Variants in TMEM117 observed in about 807,000 individuals in gnomAD.
TMEM117 encodes transmembrane protein 117.
A neutral mutation model predicts 52.4 loss-of-function variants in TMEM117; 27 were observed. The ratio of observed to expected loss-of-function variants is 0.51; its 90% CI spans 0.38 to 0.71. The LOEUF (loss-of-function observed/expected upper bound fraction) is 0.71, where lower values mean the gene tolerates loss of function less well. TMEM117 is among the 30% of genes least tolerant of loss of function. The pLI is 0.00. For missense variants in TMEM117, 556 were observed against 630.5 expected, an observed-to-expected ratio of 0.88 and a Z score of 1.26; for synonymous variants, 215 against 206.3, an observed-to-expected ratio of 1.04 and a Z score of -0.36.
intron 3 of TMEM117, among the ~76,000 whole-genome samples, chr12:44,127,918 GTCTA>G (rs1189313085): frequency 2.0e-5 from 3 of 152,162 alleles, no homozygotes; most frequent in Admixed American, 6.5e-5. Context: ...CTGTCTGTCT[GTCTA>G]TCTATCTGTC....
chr12:43,970,371 C>G (rs981051573), intron 3 of TMEM117, among the ~76,000 whole-genome samples: 31 of 152,142 alleles, frequency 2.0e-4, no homozygotes, highest in East Asian at 5.8e-4. Flanking sequence ...TCACTGCAAG[C>G]TCCGCCTCCT....
chr12:43,812,856 G>T, the TMEM117 span, among the ~76,000 whole-genome samples: 1 of 113,974 alleles, frequency 8.8e-6, no homozygotes, highest in African/African-American at 3.1e-5. Flanking sequence ...TCTACAAAAA[G>T]TACAAAAAAA....
intron 3 of TMEM117, among the ~76,000 whole-genome samples, chr12:44,102,775 T>C (rs1419753406): frequency 6.6e-6 from 1 of 152,062 alleles, no homozygotes; most frequent in African/African-American, 2.4e-5. Context: ...AATCTCATCT[T>C]AAACTGTAGT....
At chr12:43,858,068 G>C (rs1313349145) in intron 2 of TMEM117, among the ~76,000 whole-genome samples, 1 of 152,182 alleles carries the variant, frequency 6.6e-6, no homozygotes, top group Non-Finnish European at 1.5e-5. Flanking sequence ...TTTTACTGTG[G>C]TGGCCTTGAC....
intron 2 of TMEM117, among the ~76,000 whole-genome samples, chr12:43,924,029 A>G (rs1354502071): frequency 2.6e-5 from 4 of 152,224 alleles, no homozygotes; most frequent in Admixed American, 6.5e-5. Context: ...ACACAGCACT[A>G]TATAAATGCC....
chr12:44,081,696 G>C (rs1259996419), intron 3 of TMEM117, among the ~76,000 whole-genome samples: 1 of 151,706 alleles, frequency 6.6e-6, no homozygotes, highest in African/African-American at 2.4e-5. Context: ...ACTTCTTTGG[G>C]GATTTATTTG....
At chr12:44,006,611 T>G (rs1236735276) in intron 3 of TMEM117, among the ~76,000 whole-genome samples, 1 of 152,190 alleles carries the variant, frequency 6.6e-6, no homozygotes, top group Non-Finnish European at 1.5e-5. Flanking sequence ...ATAATGAAAC[T>G]AAGTATTGAC....
chr12:44,386,743 A>G (rs1952093556), intron 7 of TMEM117, among the ~76,000 whole-genome samples: 2 of 152,066 alleles, frequency 1.3e-5, no homozygotes, highest in African/African-American at 4.8e-5. Flanking sequence ...GTGTTTAACA[A>G]CTGGCTCAAG....
intron 4 of TMEM117, among the ~76,000 whole-genome samples, chr12:44,208,725 G>GTTTT (rs5797892): frequency 0.02 from 1,389 of 68,860 alleles, 66 homozygotes; most frequent in African/African-American, 0.029. Context: ...CAGAAAGAAT[G>GTTTT]TTTTTTTTTT....
intron 2 of TMEM117, among the ~76,000 whole-genome samples, chr12:43,848,825 T>G (rs1565717621): frequency 6.6e-6 from 1 of 152,224 alleles, no homozygotes; most frequent in African/African-American, 2.4e-5. Context: ...TTACAATTTA[T>G]GTTCCTCTGC....
intron 3 of TMEM117, among the ~76,000 whole-genome samples, chr12:44,005,724 T>G (rs1179284935): frequency 6.6e-6 from 1 of 152,212 alleles, no homozygotes; most frequent in Non-Finnish European, 1.5e-5. Context: ...AATCTCATTT[T>G]GAATTGTAAC....
At chr12:44,007,173 CAT>C (rs1236093880) in intron 3 of TMEM117, among the ~76,000 whole-genome samples, 1 of 152,126 alleles carries the variant, frequency 6.6e-6, no homozygotes, top group Admixed American at 6.5e-5. Flanking sequence ...TATACCTAAG[CAT>C]ATACACATGA....
chr12:43,928,541 T>G (rs1944818712), intron 2 of TMEM117, among the ~76,000 whole-genome samples: 1 of 152,144 alleles, frequency 6.6e-6, no homozygotes, highest in East Asian at 1.9e-4. Flanking sequence ...TACATAACTA[T>G]CAAATATTTG....
chr12:44,177,354 G>A (rs200454615), intron 4 of TMEM117, among the ~76,000 whole-genome samples: 14 of 152,208 alleles, frequency 9.2e-5, no homozygotes, highest in African/African-American at 3.4e-4. Flanking sequence ...GGCTCAATGC[G>A]AAATGAACAA....
intron 6 of TMEM117, among the ~76,000 whole-genome samples, chr12:44,347,286 T>C (rs1734730643): frequency 6.6e-6 from 1 of 152,068 alleles, no homozygotes; most frequent in South Asian, 2.1e-4. Flanking sequence ...TTAGGGTACA[T>C]AGATGTAGAA....
intron 4 of TMEM117, among the ~76,000 whole-genome samples, chr12:44,153,752 T>C (rs1948787874): frequency 6.6e-6 from 1 of 152,054 alleles, no homozygotes; most frequent in Non-Finnish European, 1.5e-5. Flanking sequence ...GCAGTAAAGT[T>C]TTTTATATTC....
chr12:44,116,458 G>A (rs956582778), intron 3 of TMEM117, among the ~76,000 whole-genome samples: 1 of 151,604 alleles, frequency 6.6e-6, no homozygotes, highest in African/African-American at 2.4e-5. Context: ...CTCAGATTAT[G>A]GCCTCAATTT....
chr12:43,954,524 T>G (rs1470803291), intron 3 of TMEM117, among the ~76,000 whole-genome samples: 3 of 152,124 alleles, frequency 2.0e-5, no homozygotes, highest in Non-Finnish European at 4.4e-5. Flanking sequence ...AGCAACTCTA[T>G]GCACATAAAC....
chr12:44,373,771 C>CTTTTT (rs142046499), intron 6 of TMEM117, among the ~76,000 whole-genome samples: 9 of 60,078 alleles, frequency 1.5e-4, no homozygotes, highest in African/African-American at 2.2e-4. Flanking sequence ...TGTCCATTTC[C>CTTTTT]TTTTTTTTTT....
Sources: gnomAD v4.1 joint callset for allele counts (sites outside exome capture counted in the v4.1 genomes callset) on GRCh38, gnomAD v4.1.1 for gene constraint, MANE v1.5 for transcripts, NCBI Gene and HGNC (gene_info 2026-07-23, HGNC 2026-07-21) for gene names.